GUCY2C: variants seen among roughly 807,000 people sequenced by gnomAD.
GUCY2C encodes guanylyl cyclase C.
In GUCY2C, 118 loss-of-function variants were observed where a neutral mutation model predicts 131.1. That is an observed-to-expected ratio of 0.90 (90% CI 0.78 to 1.05). The LOEUF (loss-of-function observed/expected upper bound fraction) is 1.05. Among genes scored for constraint, GUCY2C ranks in the 50% least tolerant of loss-of-function variants. The pLI is 0.00. For synonymous variants in GUCY2C, 452 were observed against 457.8 expected, an observed-to-expected ratio of 0.99 and a Z score of 0.16; for missense variants, 1,161 against 1,304.4, an observed-to-expected ratio of 0.89 and a Z score of 1.69.
Position 14,649,070 on chromosome 12 carries a change from G to C in GUCY2C, c.1710+2337C>G, listed in dbSNP as rs576294570. On this transcript the variant is annotated intron_variant, in intron 15 of 26. Transcript: ENST00000261170. ...CTAAACCTGGTTTCCTCTTCCCTGA[G>C]CTATGGTTTCACAGCTTCATTTCAT... is the stretch of plus-strand genomic sequence containing the variant. Among the ~76,000 whole-genome samples the C allele has an allele frequency of 1.0e-3, 155 of 152,104 alleles. 1 individual carries two copies. The highest frequency in any genetic ancestry group is 1.9e-3 in the Admixed American group (29 of 15,280).
chr12:14,669,735 A>G lies in GUCY2C; in HGVS notation c.1269T>C (p.Asp423=). The change falls in exon 10 of 27, where the codon GAT becomes GAC. Residue 423 remains aspartate, a synonymous_variant. Transcript: ENST00000261170. ...FTWKNSKLPN[D]ITGRGPQILM... is the part of the protein sequence containing the mutation. ...GGGATATCTTACCCCGGCCTGTAAT[A>G]TCATTAGGAAGTTTAGAGTTCTTCC... 6.4e-7 allele frequency: 1 copy of G among 1,556,446 alleles called. No individual in the cohort carries two copies. Among genetic ancestry groups the G allele is most frequent in the East Asian group, 2.3e-5 (1 of 44,370 alleles).
Position 14,613,228 on chromosome 12 carries a change from T to C in GUCY2C, c.3111A>G (p.Arg1037=). ...TTTGGCTTCTTATCCCTGCTGCCTG[T>C]CTTTTCTGTAAAGAGTTGGCAATCA... ...SDMIANSLQK[R]QAAGIRSQKP... Residue 1037 remains arginine, a synonymous_variant, in exon 27 of 27, where the codon AGA becomes AGG. Transcript: ENST00000261170. The surrounding 1 kb of genome is among the most constrained non-coding windows in gnomAD (Gnocchi z 4.9). 6.2e-7 allele frequency: 1 copy of C among 1,613,442 alleles called. No homozygotes were observed. The highest frequency in any genetic ancestry group is 2.2e-5 in the East Asian group (1 of 44,866).
intron 10 of GUCY2C, among the ~76,000 whole-genome samples, chr12:14,661,357 G>A (rs983650019): frequency 2.6e-5 from 4 of 152,050 alleles, no homozygotes; most frequent in Non-Finnish European, 2.9e-5. Context: ...TTTAGAGCAC[G>A]TACAAAAAAG....
At chr12:14,636,371 A>G (rs994558880) in intron 19 of GUCY2C, among the ~76,000 whole-genome samples, 40 of 152,234 alleles carry the variant, frequency 2.6e-4, no homozygotes, top group Non-Finnish European at 8.8e-5. Flanking sequence ...GATCATCTCA[A>G]TCGATGCAGA....
chr12:14,660,623 T>C (rs1045959818), intron 11 of GUCY2C, among the ~76,000 whole-genome samples: 2 of 152,200 alleles, frequency 1.3e-5, no homozygotes, highest in Non-Finnish European at 2.9e-5. Context: ...CTATATATGC[T>C]TATTATATGG....
chr12:14,694,972 T>C (rs1948631181), intron 1 of GUCY2C, among the ~76,000 whole-genome samples: 1 of 152,214 alleles, frequency 6.6e-6, no homozygotes, highest in African/African-American at 2.4e-5. Flanking sequence ...AATTATTTTA[T>C]ATATATCTTA....
intron 1 of GUCY2C, among the ~76,000 whole-genome samples, chr12:14,695,205 A>G (rs1465698723): frequency 1.3e-5 from 2 of 152,170 alleles, no homozygotes; most frequent in African/African-American, 4.8e-5. Context: ...ACAGGAAGCT[A>G]AGAAGCACAT....
Position 14,652,941 on chromosome 12 carries a change from G to A in GUCY2C, c.1533+11C>T, listed in dbSNP as rs1372313594. 1 of 1,582,008 alleles carries A rather than the reference G, an allele frequency of 6.3e-7. No homozygotes were observed. On this transcript the variant is annotated intron_variant, in intron 13 of 26. Coordinates refer to ENST00000261170, the MANE Select transcript of GUCY2C (RefSeq NM_004963.4). ...CCCCAGTGGAGAGTTCAGAGAAGTG[G>A]GAGAGGTCACCTTTTTGTCGTATTT... is the stretch of plus-strand genomic sequence containing the variant.
Position 14,686,228 on chromosome 12 carries a change from G to A in GUCY2C, c.331-3C>T. On this transcript the variant is annotated splice_region_variant and splice_polypyrimidine_tract_variant and intron_variant, in intron 2 of 26. Coordinates refer to ENST00000261170, the MANE Select transcript of GUCY2C (RefSeq NM_004963.4). ...ACACAGCCCATCCGTTGTGCATTCT[G>A]TAGGAGAGAAAACAACAATGAATTC... The A allele has an allele frequency of 6.3e-7, 1 of 1,597,454 alleles. No individual in the cohort carries two copies. The highest frequency in any genetic ancestry group is 2.2e-5 in the East Asian group (1 of 44,780).
chr12:14,678,737 T>C (rs1261584243), intron 6 of GUCY2C, among the ~76,000 whole-genome samples: 1 of 152,198 alleles, frequency 6.6e-6, no homozygotes, highest in African/African-American at 2.4e-5. Flanking sequence ...TAATGATTAA[T>C]GGCCCAGTCA....
intron 21 of GUCY2C, 140 bp downstream of exon 21, chr12:14,625,617 G>A: frequency 1.3e-6 from 1 of 799,398 alleles, no homozygotes; most frequent in Non-Finnish European, 2.0e-6. Flanking sequence ...ACAGGCGTGA[G>A]CCTCCGTGCC....
intron 19 of GUCY2C, among the ~76,000 whole-genome samples, chr12:14,639,328 A>G (rs888310834): frequency 6.7e-6 from 1 of 148,766 alleles, no homozygotes; most frequent in African/African-American, 2.5e-5. Context: ...AAAATAGAGA[A>G]TGAGATGTGT....
intron 10 of GUCY2C, among the ~76,000 whole-genome samples, chr12:14,663,205 A>C (rs1437141506): frequency 6.6e-6 from 1 of 152,248 alleles, no homozygotes; most frequent in Non-Finnish European, 1.5e-5. Context: ...GCAGAGATGC[A>C]CAGAGGTGGG....
At chr12:14,643,810 C>A in intron 16 of GUCY2C, 104 bp from the exon 17 acceptor site, 2 of 957,810 alleles carry the variant, frequency 2.1e-6, no homozygotes, top group East Asian at 2.4e-5. Flanking sequence ...AGCAGATGGT[C>A]ACACCATCAG....
intron 25 of GUCY2C, among the ~76,000 whole-genome samples, chr12:14,615,227 C>G (rs1217376253): frequency 6.6e-6 from 1 of 152,070 alleles, no homozygotes; most frequent in African/African-American, 2.4e-5. Flanking sequence ...AAATATCACT[C>G]TAGCAACATC....
intron 4 of GUCY2C, 69 bp downstream of exon 4, chr12:14,682,973 G>C: frequency 1.0e-6 from 1 of 990,160 alleles, no homozygotes; most frequent in Non-Finnish European, 1.6e-6. Flanking sequence ...GTAATAACTA[G>C]GTGGCCTGCA....
chr12:14,670,451 T>G (rs566791911), intron 9 of GUCY2C, among the ~76,000 whole-genome samples: 50 of 152,324 alleles, frequency 3.3e-4, no homozygotes, highest in Middle Eastern at 6.8e-3. Context: ...ATGGAAATAT[T>G]AATATATCCT....
intron 16 of GUCY2C, among the ~76,000 whole-genome samples, 187 bp from the exon 17 acceptor site, chr12:14,643,893 T>A (rs1201720541): frequency 6.6e-6 from 1 of 152,172 alleles, no homozygotes; most frequent in Non-Finnish European, 1.5e-5. Context: ...ACACTTTATA[T>A]CTAGTTTCAA....
At chr12:14,681,008 C>G (rs780856401) in intron 5 of GUCY2C, among the ~76,000 whole-genome samples, 1 of 151,944 alleles carries the variant, frequency 6.6e-6, no homozygotes, top group Non-Finnish European at 1.5e-5. Context: ...AGATTGGTCA[C>G]AAATCCAATA....
Sources: gnomAD v4.1 joint callset for allele counts (sites outside exome capture counted in the v4.1 genomes callset) on GRCh38, gnomAD v4.1.1 for gene constraint, Gnocchi (gnomAD v3.1) non-coding constraint, MANE v1.5 for transcripts, NCBI Gene and HGNC (gene_info 2026-07-23, HGNC 2026-07-21) for gene names.